The following PDE1C variants were observed in gnomAD, a reference collection of about 807,000 sequenced individuals.
The protein encoded by PDE1C is dual specificity calcium/calmodulin-dependent 3',5'-cyclic nucleotide phosphodiesterase 1C.
A neutral mutation model predicts 93.1 loss-of-function variants in PDE1C; 62 were observed. The ratio of observed to expected loss-of-function variants is 0.67; its 90% CI spans 0.54 to 0.82. The LOEUF is 0.82. Among genes scored for constraint, PDE1C ranks in the 40% least tolerant of loss-of-function variants. PDE1C has a pLI of 0.00. For synonymous variants in PDE1C, 325 were observed against 310.1 expected, an observed-to-expected ratio of 1.05 and a Z score of -0.50; for missense variants, 742 against 884.6, an observed-to-expected ratio of 0.84 and a Z score of 2.04.
At chr7:32,014,905 A>G (rs967536637) in intron 2 of PDE1C, among the ~76,000 whole-genome samples, 2 of 152,070 alleles carry the variant, frequency 1.3e-5, no homozygotes, top group African/African-American at 2.4e-5. Flanking sequence ...TCTCATCTTG[A>G]TTTATAATCC....
intron 3 of PDE1C, among the ~76,000 whole-genome samples, chr7:32,126,653 C>T (rs766573987): frequency 5.9e-5 from 9 of 152,076 alleles, no homozygotes; most frequent in Non-Finnish European, 1.2e-4. Context: ...TTTTAGATAA[C>T]TATTTGTCAT....
intron 9 of PDE1C, among the ~76,000 whole-genome samples, chr7:31,838,172 A>T (rs1791362063): frequency 6.6e-6 from 1 of 152,232 alleles, no homozygotes; most frequent in African/African-American, 2.4e-5. Context: ...TAGGAATATG[A>T]TACATGGAAT....
intron 2 of PDE1C, among the ~76,000 whole-genome samples, chr7:31,970,153 T>C (rs980569759): frequency 6.6e-6 from 1 of 151,996 alleles, no homozygotes; most frequent in Non-Finnish European, 1.5e-5. Context: ...AATAATAAAA[T>C]TTTTTTAAAA....
chr7:32,018,211 G>C (rs1408271200), intron 2 of PDE1C, among the ~76,000 whole-genome samples: 1 of 152,002 alleles, frequency 6.6e-6, no homozygotes, highest in Non-Finnish European at 1.5e-5. Context: ...CACTATTGAT[G>C]GGAATGTAAT....
chr7:31,643,161 A>G, the PDE1C span: 2 of 1,613,958 alleles, frequency 1.2e-6, no homozygotes, highest in African/African-American at 2.7e-5. Context: ...ATGAGTCTCA[A>G]AGGTCACCTG....
chr7:31,732,611 T>TTCTC, the PDE1C span, among the ~76,000 whole-genome samples: 26,290 of 143,460 alleles, frequency 0.18, 3,412 homozygotes, highest in East Asian at 0.36. Flanking sequence ...CTTTAAATCT[T>TTCTC]TCTCTCTCTC....
chr7:32,087,561 T>C (rs993299506), intron 3 of PDE1C, among the ~76,000 whole-genome samples: 38 of 152,276 alleles, frequency 2.5e-4, no homozygotes, highest in Admixed American at 7.8e-4. Context: ...CGTATGTTTA[T>C]TGCAGCACTA....
At chr7:31,628,249 T>C in the PDE1C span, among the ~76,000 whole-genome samples, 1 of 152,106 alleles carries the variant, frequency 6.6e-6, no homozygotes, top group Non-Finnish European at 1.5e-5. Flanking sequence ...CTCCCATTGA[T>C]GGAACACAAG....
At chr7:32,332,842 T>C (rs1172939881) in intron 1 of PDE1C, among the ~76,000 whole-genome samples, 1 of 152,112 alleles carries the variant, frequency 6.6e-6, no homozygotes, top group South Asian at 2.1e-4. Context: ...AAAACTATTC[T>C]AGGATGATAA....
At chr7:31,771,610 T>C (rs1795492062) in intron 17 of PDE1C, among the ~76,000 whole-genome samples, 1 of 151,008 alleles carries the variant, frequency 6.6e-6, no homozygotes, top group African/African-American at 2.4e-5. Context: ...GAGTTCTTTA[T>C]ATCTTTCATA....
intron 1 of PDE1C, among the ~76,000 whole-genome samples, chr7:32,311,674 T>C (rs959097994): frequency 6.6e-6 from 1 of 152,106 alleles, no homozygotes; most frequent in Non-Finnish European, 1.5e-5. Flanking sequence ...TCTCAATAGA[T>C]GCAGAAAAGG....
intron 2 of PDE1C, among the ~76,000 whole-genome samples, chr7:31,945,453 C>G (rs893051976): frequency 6.6e-6 from 1 of 152,134 alleles, no homozygotes; most frequent in Middle Eastern, 3.4e-3. Flanking sequence ...TCTGAAGAAG[C>G]CTTTATTTCT....
intron 1 of PDE1C, among the ~76,000 whole-genome samples, chr7:32,339,738 C>T (rs1783710517): frequency 6.6e-6 from 1 of 152,026 alleles, no homozygotes; most frequent in Non-Finnish European, 1.5e-5. Context: ...CAGAACTTTC[C>T]AGCTTGAAAA....
At chr7:32,061,796 G>A (rs888851893) in intron 1 of PDE1C, among the ~76,000 whole-genome samples, 2 of 152,214 alleles carry the variant, frequency 1.3e-5, no homozygotes, top group Non-Finnish European at 2.9e-5. Context: ...GCTGGCCTAA[G>A]TAAATGCCAA....
At chr7:31,721,182 G>T in the PDE1C span, among the ~76,000 whole-genome samples, 1 of 152,212 alleles carries the variant, frequency 6.6e-6, no homozygotes, top group East Asian at 1.9e-4. Context: ...GAAGAGGTCA[G>T]CAGGAAGAGA....
chr7:32,161,448 C>G (rs1801913293), intron 3 of PDE1C, among the ~76,000 whole-genome samples: 1 of 152,198 alleles, frequency 6.6e-6, no homozygotes. Context: ...TTGAAAATCT[C>G]TTCCCTGTAA....
intron 3 of PDE1C, among the ~76,000 whole-genome samples, chr7:32,132,930 T>C (rs560048310): frequency 6.6e-6 from 1 of 152,308 alleles, no homozygotes; most frequent in African/African-American, 2.4e-5. Flanking sequence ...AGATTTTTAT[T>C]TTTTATTTGA....
chr7:31,632,077 C>T, the PDE1C span, among the ~76,000 whole-genome samples: 1 of 152,178 alleles, frequency 6.6e-6, no homozygotes, highest in Non-Finnish European at 1.5e-5. Context: ...AGAATATTAA[C>T]AGTGACTTGT....
the PDE1C span, among the ~76,000 whole-genome samples, chr7:31,728,816 T>G: frequency 6.6e-6 from 1 of 152,142 alleles, no homozygotes; most frequent in African/African-American, 2.4e-5. Flanking sequence ...CATTTGAGCT[T>G]TGTTTTAGTA....
Sources: allele counts gnomAD v4.1 joint callset (sites outside exome capture counted in the v4.1 genomes callset), GRCh38; gene constraint gnomAD v4.1.1; transcripts MANE v1.5; gene names NCBI Gene and HGNC (gene_info 2026-07-23, HGNC 2026-07-21).